Variants in CCNI2 observed in about 807,000 individuals in gnomAD.
CCNI2 encodes cyclin I family member 2.
A neutral mutation model predicts 33.2 loss-of-function variants in CCNI2; 32 were observed. The observed-to-expected ratio is 0.96, with a 90% confidence interval of 0.73 to 1.30. CCNI2 has a LOEUF of 1.30. Ranked by LOEUF, CCNI2 falls within the 50% of genes most tolerant of loss-of-function variation. The pLI, the probability that CCNI2 is intolerant of heterozygous loss-of-function variation, is 0.00. For synonymous variants in CCNI2, 231 were observed against 219.9 expected, an observed-to-expected ratio of 1.05 and a Z score of -0.45; for missense variants, 452 against 486.2, an observed-to-expected ratio of 0.93 and a Z score of 0.66.
In CCNI2 at chr5:132,748,337, T is replaced by C. The variant is rs768772353; in HGVS notation, c.430-10T>C. 2.6e-5 allele frequency: 42 copies of C among 1,613,702 alleles called. No homozygotes were observed. The Middle Eastern group carries it at 8.2e-4, about 32-fold the overall frequency. ...ACCTTCCTCGCCCCACCTGCTCTTC[T>C]TCCTAGCAGGATGAAATCTGCGACG... On this transcript the variant is annotated splice_polypyrimidine_tract_variant and intron_variant, in intron 1 of 5. Coordinates refer to ENST00000378731, the MANE Select transcript of CCNI2 (RefSeq NM_001039780.4).
Position 132,754,150 on chromosome 5 carries a change from C to T in CCNI2, c.*1180C>T. On this transcript the variant is annotated 3_prime_UTR_variant, in exon 6 of 6. Coordinates refer to ENST00000378731, the MANE Select transcript of CCNI2 (RefSeq NM_001039780.4). ...TGTTGGTGCTTTCGTTAAAATTACACTTTAATTGCTTCCGATCCTGTATGA... is the reference window on the plus strand; with the variant it reads ...TGTTGGTGCTTTCGTTAAAATTACATTTTAATTGCTTCCGATCCTGTATGA... 2 of 416,358 alleles carry T rather than the reference C, an allele frequency of 4.8e-6. No homozygotes were observed. The highest frequency in any genetic ancestry group is 7.8e-5 in the South Asian group (2 of 25,626). 25.8% of individuals were successfully genotyped at this position (416,358 alleles called of 1,614,324 possible).
intron 2 of CCNI2, 27 bp from the exon 3 acceptor site, chr5:132,749,309 ATTCATATTCTGC>A: frequency 6.8e-7 from 1 of 1,477,140 alleles, no homozygotes; most frequent in Non-Finnish European, 9.5e-7. Flanking sequence ...TGTTTCTGGC[ATTCATATTCTGC>A]TCAAATGTGT....
intron 3 of CCNI2, among the ~76,000 whole-genome samples, chr5:132,749,732 G>A (rs776689231): frequency 7.9e-5 from 12 of 152,140 alleles, no homozygotes; most frequent in Non-Finnish European, 1.5e-4. Flanking sequence ...ATCTGCTGTT[G>A]AGCAAGGAAA....
At position 132,747,857 on chromosome 5, in the gene CCNI2, G is replaced by A. The variant is rs1352186324; in HGVS notation, c.362G>A (p.Arg121Gln). ...CTGGAAGGCGACCTGGACGAGCGCC[G>A]GCTGCTCTGCCACTTGCAGCTGGCC... ...RNLEGDLDERRLLCHLQLAQD... is the reference protein window; with the variant it reads ...RNLEGDLDERQLLCHLQLAQD... The change falls in exon 1 of 6, where the codon CGG becomes CAG. Residue 121 changes from arginine to glutamine, a missense_variant. Arg to Gln is a conservative substitution (Grantham distance 43). Transcript: ENST00000378731. This position sits in a 1 kb window ranked among gnomAD's most constrained non-coding sequence, Gnocchi z 4.1. The A allele has an allele frequency of 6.1e-6, 9 of 1,469,134 alleles. No homozygotes were observed. In the African/African-American group the frequency reaches 1.2e-4, roughly 19 times the overall value. 91.0% of individuals were successfully genotyped at this position (1,469,134 alleles called of 1,614,324 possible).
rs1481226836 is a variant in CCNI2, at chr5:132,748,364, C to T, written c.447C>T (p.Ala149=). ...GGKPQDEICD[A]FEEVVLWLLR... is the part of the protein sequence containing the mutation. ...CCTAGCAGGATGAAATCTGCGACGC[C>T]TTCGAGGAAGTCGTGCTGTGGCTCC... The change falls in exon 2 of 6, where the codon GCC becomes GCT. Residue 149 remains alanine (A), a synonymous_variant. Coordinates refer to ENST00000378731, the MANE Select transcript of CCNI2 (RefSeq NM_001039780.4). The T allele has an allele frequency of 6.2e-7, 1 of 1,614,122 alleles. No individual in the cohort carries two copies. The highest frequency in any genetic ancestry group is 1.1e-5 in the South Asian group (1 of 91,084).
Position 132,747,736 on chromosome 5 carries a change from G to C in CCNI2, c.241G>C (p.Gly81Arg). ...AGCAGTCCCCGTGCGGCCCCGGCGCGGTACGGCGCCAGCCGGGAAAACCGC... is the reference window on the plus strand; with the variant it reads ...AGCAGTCCCCGTGCGGCCCCGGCGCCGTACGGCGCCAGCCGGGAAAACCGC... ...SAAVPVRPRR[G>R]TAPAGKTADA... Residue 81 changes from glycine (G) to arginine (R), a missense_variant, in exon 1 of 6, where the codon GGT becomes CGT. By Grantham distance (125) the Gly-to-Arg change is moderately radical (BLOSUM62 -2). Coordinates refer to ENST00000378731, the MANE Select transcript of CCNI2 (RefSeq NM_001039780.4). This position sits in a 1 kb window ranked among gnomAD's most constrained non-coding sequence, Gnocchi z 4.1. The C allele has an allele frequency of 1.4e-6, 2 of 1,472,564 alleles. No individual in the cohort carries two copies. Among genetic ancestry groups the C allele is most frequent in the Non-Finnish European group, 1.8e-6 (2 of 1,120,106 alleles). The allele number at this position is 1,472,564 out of a possible 1,614,324, so 91.2% of individuals were successfully genotyped here. A position where few individuals can be genotyped will look rare whatever the true frequency, so the allele number is the denominator to read the frequency against.
intron 5 of CCNI2, 116 bp downstream of exon 5, chr5:132,752,312 A>G: frequency 8.1e-7 from 1 of 1,228,326 alleles, no homozygotes; most frequent in Non-Finnish European, 1.1e-6. Flanking sequence ...TTCTGGCCAT[A>G]ACCCTGGAAA....
downstream of CCNI2, among the ~76,000 whole-genome samples, chr5:132,755,591 A>G (rs975817327): frequency 6.6e-6 from 1 of 152,196 alleles, no homozygotes; most frequent in African/African-American, 2.4e-5. Flanking sequence ...TAGGATTAGG[A>G]TGAGGATTAG....
At chr5:132,755,399 C>A (rs1755233489), downstream of CCNI2, among the ~76,000 whole-genome samples, 1 of 152,222 alleles carries the variant, frequency 6.6e-6, no homozygotes, top group Non-Finnish European at 1.5e-5. Flanking sequence ...ACACTAGCCA[C>A]ACTTTCACTA....
At chr5:132,751,721 T>A (rs1338084829) in intron 4 of CCNI2, 1 of 578,940 alleles carries the variant, frequency 1.7e-6, no homozygotes, top group Non-Finnish European at 3.0e-6. Context: ...CTAGGTACTT[T>A]CCGCTCATAA....
At chr5:132,750,728 G>C (rs2149936578) in intron 3 of CCNI2, 129 bp from the exon 4 acceptor site, 2 of 902,254 alleles carry the variant, frequency 2.2e-6, no homozygotes, top group East Asian at 2.5e-5. Flanking sequence ...TCTTTCAGAA[G>C]CATTTTCTGT....
Position 132,752,214 on chromosome 5 carries a change from C to T in CCNI2, c.1005+18C>T, listed in dbSNP as rs1754905006. 2 of 1,551,428 alleles carry T rather than the reference C, an allele frequency of 1.3e-6. No individual in the cohort carries two copies. Among genetic ancestry groups the T allele is most frequent in the Non-Finnish European group, 8.7e-7 (1 of 1,145,400 alleles). ...AAGCACAGGTAGACATCAACTTTGC[C>T]CCAGACCAGGCTCTGTGTTTTGCCC... On this transcript the variant is annotated intron_variant, in intron 5 of 5. Coordinates refer to ENST00000378731, the MANE Select transcript of CCNI2 (RefSeq NM_001039780.4).
chr5:132,752,346 T>G (rs147635416), intron 5 of CCNI2, 150 bp downstream of exon 5: 5 of 938,860 alleles, frequency 5.3e-6, no homozygotes, highest in Non-Finnish European at 7.8e-6. Context: ...GGCTAGGCTT[T>G]CCACACTTGG....
intron 4 of CCNI2, 93 bp from the exon 5 acceptor site, chr5:132,751,873 C>T (rs938525338): frequency 1.4e-6 from 2 of 1,418,280 alleles, no homozygotes; most frequent in Non-Finnish European, 1.9e-6. Flanking sequence ...TTTGATGTTC[C>T]CTGATGGAAA....
Position 132,747,499 on chromosome 5 carries a change from G to GCCT in CCNI2, c.6_8dup (p.Ser3dup), listed in dbSNP as rs1330172806. 1.4e-6 allele frequency: 2 copies of GCCT among 1,477,904 alleles called. No individual in the cohort carries two copies. Among genetic ancestry groups the GCCT allele is most frequent in the Non-Finnish European group, 1.8e-6 (2 of 1,121,752 alleles). 91.5% of individuals were successfully genotyped at this position (1,477,904 alleles called of 1,614,324 possible). A position where few individuals can be genotyped will look rare whatever the true frequency, so the allele number is the denominator to read the frequency against. On this transcript the variant is annotated inframe_insertion, in exon 1 of 6. Coordinates refer to ENST00000378731, the MANE Select transcript of CCNI2 (RefSeq NM_001039780.4). The surrounding 1 kb of genome is among the most constrained non-coding windows in gnomAD (Gnocchi z 4.1). ...GACTCAGGATCCCGCTCACGACATGGCCTCGGGCGCTCAGCTCCCGCCGCA... is the reference window on the plus strand; with the variant it reads ...GACTCAGGATCCCGCTCACGACATGGCCTCCTCGGGCGCTCAGCTCCCGCCGCA...
chr5:132,755,408 T>C (rs1451939816), downstream of CCNI2, among the ~76,000 whole-genome samples: 1 of 152,188 alleles, frequency 6.6e-6, no homozygotes, highest in Admixed American at 6.5e-5. Flanking sequence ...ACACTTTCAC[T>C]ACTCTTCCAT....
rs1754878519 is a variant in CCNI2 at position 132,751,956 on chromosome 5, T to C, written c.775-10T>C. 6.2e-7 allele frequency: 1 copy of C among 1,602,188 alleles called. No individual in the cohort carries two copies. Among genetic ancestry groups the C allele is most frequent in the East Asian group, 2.2e-5 (1 of 44,632 alleles). Reference sequence around the variant, plus strand: ...TTTTCTGTTCTAACATTAAAAACCATGGTCTCCAGTTCCATGCCCTGGTGG... The same window carrying C: ...TTTTCTGTTCTAACATTAAAAACCACGGTCTCCAGTTCCATGCCCTGGTGG... On this transcript the variant is annotated splice_polypyrimidine_tract_variant and intron_variant, in intron 4 of 5. Coordinates refer to ENST00000378731, the MANE Select transcript of CCNI2 (RefSeq NM_001039780.4).
intron 3 of CCNI2, 67 bp from the exon 4 acceptor site, chr5:132,750,790 T>A: frequency 6.5e-7 from 1 of 1,540,456 alleles, no homozygotes; most frequent in Non-Finnish European, 8.8e-7. Context: ...CCAGTCCCCA[T>A]GGGTAAGAAA....
rs1755040280 is a variant in CCNI2 at position 132,753,486 on chromosome 5, C to T, written c.*516C>T. ...CAACTACCCTGCCTGCCACTCCTCA[C>T]ATGGGACAGTCTCTGCAGATGCATT... is the stretch of plus-strand genomic sequence containing the variant. On this transcript the variant is annotated 3_prime_UTR_variant, in exon 6 of 6. Coordinates refer to ENST00000378731, the MANE Select transcript of CCNI2 (RefSeq NM_001039780.4). The T allele has an allele frequency of 6.3e-6, 1 of 158,402 alleles. No homozygotes were observed. Among genetic ancestry groups the T allele is most frequent in the Admixed American group, 6.0e-5 (1 of 16,672 alleles). The allele number at this position is 158,402 out of a possible 1,614,324, so 9.8% of individuals were successfully genotyped here. A position where few individuals can be genotyped will look rare whatever the true frequency, so the allele number is the denominator to read the frequency against.
Sources: allele counts gnomAD v4.1 joint callset (sites outside exome capture counted in the v4.1 genomes callset), GRCh38; gene constraint gnomAD v4.1.1; non-coding constraint Gnocchi (gnomAD v3.1); transcripts MANE v1.5; gene names NCBI Gene and HGNC (gene_info 2026-07-23, HGNC 2026-07-21).